The following BCAP31 variants were observed in gnomAD, a reference collection of about 807,000 sequenced individuals.
BCAP31 encodes the protein B cell receptor associated protein 31.
For missense variants in BCAP31, 124 were observed against 193.0 expected (o/e 0.64, Z 2.12); for synonymous variants, 75 against 80.9 (o/e 0.93, Z 0.39).
At chrX:153,723,116 T>A (rs781899418) in intron 2 of BCAP31, 37 bp downstream of exon 2, 2 of 1,199,452 alleles carry the variant, frequency 1.7e-6, no homozygotes, top group South Asian at 3.6e-5. Flanking sequence ...ACAGGCACCC[T>A]CCTGCCTAAC....
chrX:153,701,133 G>T (rs1208907651), intron 7 of BCAP31, among the ~76,000 whole-genome samples, 158 bp from the exon 8 acceptor site: 1 of 111,896 alleles, frequency 8.9e-6, no homozygotes, highest in Non-Finnish European at 1.9e-5. Context: ...TGCACCCAAA[G>T]GCCTGCCAGG....
In BCAP31 at chrX:153,700,897, C is replaced by T; in HGVS notation, c.*40G>A. Reference sequence around the variant, plus strand: ...CTCTCAGGAAGCAGCAGGCACGTGCCAGGTGGAAGCCAGCTGCAGGCAGGG... The same window carrying T: ...CTCTCAGGAAGCAGCAGGCACGTGCTAGGTGGAAGCCAGCTGCAGGCAGGG... On this transcript the variant is annotated 3_prime_UTR_variant, in exon 8 of 8. Coordinates refer to ENST00000345046, the MANE Select transcript of BCAP31 (RefSeq NM_001256447.2). The T allele has an allele frequency of 2.5e-6, 3 of 1,191,451 alleles. No individual in the cohort carries two copies. The highest frequency in any genetic ancestry group is 3.4e-6 in the Non-Finnish European group (3 of 881,932).
In BCAP31 at chrX:153,723,272, A is replaced by G; in HGVS notation, c.-28T>C. On this transcript the variant is annotated 5_prime_UTR_variant, in exon 2 of 8. Transcript: ENST00000345046. Reference sequence around the variant, plus strand: ...TGTTGCTAGAAGGTTTCCCACAGGAAGATGTGAGCTTGTTTCCTGGCAGGG... The same window carrying G: ...TGTTGCTAGAAGGTTTCCCACAGGAGGATGTGAGCTTGTTTCCTGGCAGGG... 1 of 1,203,050 alleles carries G rather than the reference A, an allele frequency of 8.3e-7. No homozygotes were observed.
intron 2 of BCAP31, among the ~76,000 whole-genome samples, chrX:153,721,476 C>T (rs13440512): frequency 0.046 from 4,500 of 97,940 alleles, 247 homozygotes; most frequent in African/African-American, 0.16. Flanking sequence ...ACGTATAGAT[C>T]AAAATGTCTG....
intron 3 of BCAP31, among the ~76,000 whole-genome samples, chrX:153,720,280 G>C (rs1170766408): frequency 9.1e-6 from 1 of 109,449 alleles, no homozygotes; most frequent in African/African-American, 3.3e-5. Flanking sequence ...TCCTTCCAAG[G>C]TCTTGAAAAA....
intron 1 of BCAP31, 137 bp from the exon 2 acceptor site, chrX:153,723,425 G>C: frequency 8.8e-7 from 1 of 1,130,478 alleles, no homozygotes; most frequent in Non-Finnish European, 1.2e-6. Flanking sequence ...TGATGCGCTG[G>C]CGGAAGCAGG....
At position 153,702,999 on chromosome X, in the gene BCAP31, TTCC is replaced by T; in HGVS notation, c.534_536del (p.Glu180del). ...GGTCAGCCTTCAGGCTCCTGTTCTC[TTCC>T]TCCAACTTCACCTCAGCATTCCCGA... On this transcript the variant is annotated inframe_deletion, in exon 6 of 8. Coordinates refer to ENST00000345046, the MANE Select transcript of BCAP31 (RefSeq NM_001256447.2). 8.3e-7 allele frequency: 1 copy of T among 1,210,085 alleles called. No individual in the cohort carries two copies. Among genetic ancestry groups the T allele is most frequent in the Non-Finnish European group, 1.1e-6 (1 of 895,246 alleles).
chrX:153,724,013 TA>T (rs2091689141), intron 1 of BCAP31: 1 of 339,560 alleles, frequency 2.9e-6, no homozygotes, highest in Admixed American at 3.1e-5. Flanking sequence ...CAGGGGTCCT[TA>T]CAGTAGCCCT....
chrX:153,724,064 C>G, intron 1 of BCAP31: 1 of 330,045 alleles, frequency 3.0e-6, no homozygotes, highest in South Asian at 2.7e-5. Context: ...GGGCCTCCGA[C>G]TTGGCCCCGG....
At chrX:153,715,390 G>T in intron 4 of BCAP31, 152 bp downstream of exon 4, 2 of 867,000 alleles carry the variant, frequency 2.3e-6, no homozygotes, top group South Asian at 2.5e-5. Flanking sequence ...AAAACTATGT[G>T]GCTTCCCTAA....
chrX:153,716,575 C>G (rs1438907382), intron 3 of BCAP31, among the ~76,000 whole-genome samples: 2 of 40,012 alleles, frequency 5.0e-5, no homozygotes, highest in Non-Finnish European at 7.9e-5. Context: ...GACTCTCTCT[C>G]AACAAAAAAA....
At chrX:153,721,940 A>G (rs1427126614) in intron 2 of BCAP31, among the ~76,000 whole-genome samples, 1 of 111,044 alleles carries the variant, frequency 9.0e-6, no homozygotes, top group Non-Finnish European at 1.9e-5. Flanking sequence ...CAACAACAAA[A>G]AGAAAACATA....
intron 4 of BCAP31, among the ~76,000 whole-genome samples, chrX:153,709,380 G>A (rs2091575102): frequency 8.9e-6 from 1 of 111,972 alleles, no homozygotes; most frequent in Non-Finnish European, 1.9e-5. Context: ...CACAAACAGG[G>A]GCCTTCCTGC....
At chrX:153,713,020 A>T (rs782642048) in intron 4 of BCAP31, among the ~76,000 whole-genome samples, 1 of 111,671 alleles carries the variant, frequency 9.0e-6, no homozygotes, top group South Asian at 3.8e-4. Context: ...AGCCTGGCCA[A>T]CATGGTGAAA....
chrX:153,719,312 GC>G (rs1417580877), intron 3 of BCAP31, among the ~76,000 whole-genome samples: 5 of 111,447 alleles, frequency 4.5e-5, no homozygotes, highest in Non-Finnish European at 7.5e-5. Flanking sequence ...AAACTCAGTG[GC>G]CTGGGGATGA....
intron 3 of BCAP31, among the ~76,000 whole-genome samples, chrX:153,719,572 G>A (rs1332751490): frequency 1.2e-4 from 13 of 110,891 alleles, no homozygotes; most frequent in Admixed American, 1.2e-3. Flanking sequence ...TGCTGAAGCT[G>A]GTGGGTGAGG....
intron 5 of BCAP31, 127 bp from the exon 6 acceptor site, chrX:153,703,185 G>T (rs1448864512): frequency 4.2e-6 from 4 of 959,321 alleles, no homozygotes; most frequent in Middle Eastern, 4.1e-4. Flanking sequence ...AAATGTCAAC[G>T]CGGAACCGAG....
chrX:153,712,327 C>G (rs1332390161), intron 4 of BCAP31, among the ~76,000 whole-genome samples: 2 of 110,102 alleles, frequency 1.8e-5, no homozygotes, highest in Non-Finnish European at 3.8e-5. Flanking sequence ...GAGGCTGAGG[C>G]AAAAGGGCGG....
intron 4 of BCAP31, among the ~76,000 whole-genome samples, chrX:153,709,303 G>A (rs1179623038): frequency 8.9e-6 from 1 of 112,055 alleles, no homozygotes; most frequent in Non-Finnish European, 1.9e-5. Context: ...TACCCTGGAG[G>A]GGTAAAGAGG....
Sources: gnomAD v4.1 joint callset for allele counts (sites outside exome capture counted in the v4.1 genomes callset) on GRCh38, gnomAD v4.1.1 for gene constraint, MANE v1.5 for transcripts, NCBI Gene and HGNC (gene_info 2026-07-23, HGNC 2026-07-21) for gene names.